TRAF3IP1: variants seen among roughly 807,000 people sequenced by gnomAD.
TRAF3IP1 encodes TRAF3-interacting protein 1.
Under a neutral mutation model 89.9 loss-of-function variants are expected in TRAF3IP1, and 53 were observed. The observed-to-expected ratio is 0.59, with a 90% confidence interval of 0.47 to 0.74. The LOEUF is 0.74. Among genes scored for constraint, TRAF3IP1 ranks in the 30% least tolerant of loss-of-function variants. The probability of loss-of-function intolerance (pLI) is 0.00; values close to 1 mark genes in which losing one functional copy is unlikely to be tolerated. For synonymous variants in TRAF3IP1, 311 were observed against 322.1 expected (o/e 0.97, Z 0.37); for missense variants, 806 against 866.1 (o/e 0.93, Z 0.87).
chr2:238,366,034 A>G (rs1471410491), intron 15 of TRAF3IP1, among the ~76,000 whole-genome samples: 1 of 152,130 alleles, frequency 6.6e-6, no homozygotes, highest in Non-Finnish European at 1.5e-5. Context: ...TCACAAGGTC[A>G]GGAGATCGAG....
chr2:238,397,382 T>G (rs1574984614), intron 15 of TRAF3IP1, 77 bp from the exon 16 acceptor site: 2 of 1,304,372 alleles, frequency 1.5e-6, no homozygotes, highest in South Asian at 2.5e-5. Flanking sequence ...CCCATGGCCG[T>G]GTGCTGAGTG....
intron 1 of TRAF3IP1, among the ~76,000 whole-genome samples, chr2:238,321,676 GTGGTAACTCCC>G (rs1697554844): frequency 6.6e-6 from 1 of 152,208 alleles, no homozygotes; most frequent in Admixed American, 6.5e-5. Flanking sequence ...GTCAAGGCTC[GTGGTAACTCCC>G]TGGTAACTCT....
chr2:238,374,627 G>A (rs1236212026), intron 15 of TRAF3IP1, among the ~76,000 whole-genome samples: 1 of 152,172 alleles, frequency 6.6e-6, no homozygotes, highest in Non-Finnish European at 1.5e-5. Context: ...TTGGTATCAG[G>A]ATGATGTTGG....
rs1697476086 is a variant in TRAF3IP1 at position 238,320,670 on chromosome 2, C to G, written c.8C>G (p.Ala3Gly). The G allele has an allele frequency of 2.2e-6, 3 of 1,392,198 alleles. No homozygotes were observed. The highest frequency in any genetic ancestry group is 1.9e-6 in the Non-Finnish European group (2 of 1,056,554). 86.2% of individuals were successfully genotyped at this position (1,392,198 alleles called of 1,614,324 possible). The change falls in exon 1 of 17, where the codon GCG (alanine) becomes GGG (glycine). Residue 3 changes from alanine to glycine, a missense_variant. Ala to Gly is a moderately conservative substitution (Grantham distance 60). Coordinates refer to ENST00000373327, the MANE Select transcript of TRAF3IP1 (RefSeq NM_015650.4). The part of the protein sequence containing the change: MN[A>G]AVVRRTQEAL... ...CGGGCGGCGGACGCCGTCATGAACG[C>G]GGCGGTGGTGAGGCGGACGCAGGAG...
chr2:238,341,011 C>T (rs763014322), intron 8 of TRAF3IP1, among the ~76,000 whole-genome samples: 5 of 152,098 alleles, frequency 3.3e-5, no homozygotes, highest in Middle Eastern at 3.4e-3. Flanking sequence ...GTGTGTGCCA[C>T]GATACCCGGC....
rs10527993 is a variant in TRAF3IP1 at position 238,351,834 on chromosome 2, G to GGTGT, written c.1452-963_1452-960dup. 5.1e-3 allele frequency among the ~76,000 whole-genome samples: 715 copies of GGTGT among 140,954 alleles called. 4 individuals carry two copies. Among genetic ancestry groups the GGTGT allele is most frequent in the East Asian group, 0.026 (125 of 4,746 alleles). The allele number at this position is 140,954 out of a possible 152,430, so 92.5% of individuals were successfully genotyped here. A position where few individuals can be genotyped will look rare whatever the true frequency, so the allele number is the denominator to read the frequency against. On this transcript the variant is annotated intron_variant, in intron 12 of 16. Coordinates refer to ENST00000373327, the MANE Select transcript of TRAF3IP1 (RefSeq NM_015650.4). This position sits in a 1 kb window ranked among gnomAD's most constrained non-coding sequence, Gnocchi z 5.2. Reference sequence around the variant, plus strand: ...TGGCACTGAAGCAAGGGAGGATTTTGGTGTGTGTGTGTGTGTGTGTGTGTG... The same window carrying GGTGT: ...TGGCACTGAAGCAAGGGAGGATTTTGGTGTGTGTGTGTGTGTGTGTGTGTGTGTG...
At chr2:238,327,435 T>C (rs1187244339) in intron 3 of TRAF3IP1, among the ~76,000 whole-genome samples, 1 of 152,216 alleles carries the variant, frequency 6.6e-6, no homozygotes, top group East Asian at 1.9e-4. Flanking sequence ...CAGCATGTGC[T>C]TGTGGAATGA....
intron 15 of TRAF3IP1, among the ~76,000 whole-genome samples, chr2:238,370,993 G>A (rs1002078027): frequency 6.6e-6 from 1 of 152,134 alleles, no homozygotes; most frequent in Non-Finnish European, 1.5e-5. Flanking sequence ...GCTAGGGAGC[G>A]GGCATAGTTC....
intron 15 of TRAF3IP1, among the ~76,000 whole-genome samples, chr2:238,365,127 A>C (rs1699820110): frequency 6.6e-6 from 1 of 152,204 alleles, no homozygotes; most frequent in South Asian, 2.1e-4. Context: ...CAGGGATTTG[A>C]GTCTTAAATT....
At position 238,400,003 on chromosome 2, in the gene TRAF3IP1, C is replaced by T. The variant is rs1701398370; in HGVS notation, c.*1084C>T. On this transcript the variant is annotated 3_prime_UTR_variant, in exon 17 of 17. Transcript: ENST00000373327. ...AAGACATACTTATGGGTCTTGAGGT[C>T]TGGGTCCTAATACTTTTAAATAGTG... 1 of 151,932 alleles carries T rather than the reference C, an allele frequency of 6.6e-6. No individual in the cohort carries two copies. Among genetic ancestry groups the T allele is most frequent in the Admixed American group, 6.6e-5 (1 of 15,256 alleles). The allele number at this position is 151,932 out of a possible 1,614,324, so 9.4% of individuals were successfully genotyped here. A position where few individuals can be genotyped will look rare whatever the true frequency, so the allele number is the denominator to read the frequency against.
chr2:238,350,573 C>G (rs531221627), intron 12 of TRAF3IP1, among the ~76,000 whole-genome samples: 2 of 152,170 alleles, frequency 1.3e-5, no homozygotes, highest in South Asian at 2.1e-4. Context: ...TTTGGGGACA[C>G]TGGGCCATGA....
intron 8 of TRAF3IP1, among the ~76,000 whole-genome samples, chr2:238,340,409 G>T (rs767156551): frequency 1.2e-4 from 19 of 152,172 alleles, no homozygotes; most frequent in Non-Finnish European, 2.9e-5. Flanking sequence ...GACTGACCCG[G>T]CCCTCGTGAG....
At chr2:238,341,585 G>A (rs1279466448) in intron 8 of TRAF3IP1, among the ~76,000 whole-genome samples, 1 of 146,512 alleles carries the variant, frequency 6.8e-6, no homozygotes, top group African/African-American at 2.6e-5. Flanking sequence ...ATTTAACTTA[G>A]TGTAGCTAAA....
chr2:238,394,546 T>C (rs1701129792), intron 15 of TRAF3IP1, among the ~76,000 whole-genome samples: 1 of 152,254 alleles, frequency 6.6e-6, no homozygotes, highest in Admixed American at 6.5e-5. Flanking sequence ...TATTGAACAA[T>C]TGTCAATGGC....
chr2:238,349,812 G>C (rs1011589347), intron 12 of TRAF3IP1, among the ~76,000 whole-genome samples: 2 of 152,234 alleles, frequency 1.3e-5, no homozygotes, highest in African/African-American at 4.8e-5. Flanking sequence ...GTTCACGCCT[G>C]TAATCCCAAC....
chr2:238,342,360 T>A (rs1698701663), intron 8 of TRAF3IP1, among the ~76,000 whole-genome samples: 1 of 152,214 alleles, frequency 6.6e-6, no homozygotes, highest in Non-Finnish European at 1.5e-5. Context: ...TAGTCCCTTC[T>A]CTGTGATTAT....
At chr2:238,361,488 G>A (rs1699658201) in intron 15 of TRAF3IP1, among the ~76,000 whole-genome samples, 1 of 152,030 alleles carries the variant, frequency 6.6e-6, no homozygotes, top group Non-Finnish European at 1.5e-5. Flanking sequence ...GTAGTCTCTA[G>A]TTTAGTCTTC....
At chr2:238,331,005 A>G (rs1421548254) in intron 5 of TRAF3IP1, among the ~76,000 whole-genome samples, 3 of 152,096 alleles carry the variant, frequency 2.0e-5, no homozygotes, top group African/African-American at 7.2e-5. Context: ...CTGAGGCACT[A>G]GTATATTCGG....
At chr2:238,367,249 A>G (rs1221422789) in intron 15 of TRAF3IP1, among the ~76,000 whole-genome samples, 4 of 151,834 alleles carry the variant, frequency 2.6e-5, no homozygotes, top group Non-Finnish European at 5.9e-5. Flanking sequence ...CTACTAAACA[A>G]TGCCCCAGCT....
Sources: gnomAD v4.1 joint callset for allele counts (sites outside exome capture counted in the v4.1 genomes callset) on GRCh38, gnomAD v4.1.1 for gene constraint, Gnocchi (gnomAD v3.1) non-coding constraint, MANE v1.5 for transcripts, NCBI Gene and HGNC (gene_info 2026-07-23, HGNC 2026-07-21) for gene names.